The following GABBR2 variants were observed in gnomAD, a reference collection of about 807,000 sequenced individuals.
GABBR2 encodes the protein gamma-aminobutyric acid type B receptor subunit 2.
Under a neutral mutation model 105.6 loss-of-function variants are expected in GABBR2, and 23 were observed. The observed-to-expected ratio is 0.22, with a 90% CI of 0.16 to 0.31. GABBR2 has a LOEUF of 0.31. Among genes scored for constraint, GABBR2 ranks in the 10% least tolerant of loss-of-function variants. GABBR2 has a pLI of 1.00. For missense variants in GABBR2, 734 were observed against 1,245.5 expected, an observed-to-expected ratio of 0.59 and a Z score of 6.18; for synonymous variants, 478 against 499.7, an observed-to-expected ratio of 0.96 and a Z score of 0.58.
intron 1 of GABBR2, among the ~76,000 whole-genome samples, chr9:98,658,490 C>A (rs548309670): frequency 1.3e-5 from 2 of 152,258 alleles, no homozygotes; most frequent in South Asian, 4.2e-4. Flanking sequence ...ATGATGTCAC[C>A]TGGACATGCC....
chr9:98,585,336 T>C (rs904523061), intron 1 of GABBR2, among the ~76,000 whole-genome samples: 1 of 151,558 alleles, frequency 6.6e-6, no homozygotes. Context: ...TTCATGTCCT[T>C]TGTAGGGACA....
At chr9:98,705,799 G>T (rs1461882013) in intron 1 of GABBR2, among the ~76,000 whole-genome samples, 1 of 152,198 alleles carries the variant, frequency 6.6e-6, no homozygotes, top group Admixed American at 6.5e-5. Context: ...GAAGGGAGCT[G>T]GGCACGGTGG....
At chr9:98,469,285 T>C (rs1564081915) in intron 6 of GABBR2, among the ~76,000 whole-genome samples, 1 of 150,994 alleles carries the variant, frequency 6.6e-6, no homozygotes, top group African/African-American at 2.4e-5. Flanking sequence ...AGAGAGAGAG[T>C]GAAGGGGGAA....
intron 1 of GABBR2, among the ~76,000 whole-genome samples, chr9:98,701,294 G>A (rs1296617024): frequency 6.6e-6 from 1 of 152,202 alleles, no homozygotes; most frequent in Non-Finnish European, 1.5e-5. Context: ...CCCCAACTCA[G>A]TCTTTAAAAA....
At chr9:98,341,007 C>T (rs917553073) in intron 13 of GABBR2, among the ~76,000 whole-genome samples, 3 of 152,204 alleles carry the variant, frequency 2.0e-5, no homozygotes. Flanking sequence ...AGTTCCTGGA[C>T]AGGTAGAGAT....
intron 2 of GABBR2, among the ~76,000 whole-genome samples, chr9:98,544,626 C>T (rs1488741055): frequency 6.6e-6 from 1 of 152,136 alleles, no homozygotes; most frequent in Admixed American, 6.5e-5. Context: ...AGTGAGATCC[C>T]TGTGTCTGGA....
At chr9:98,344,247 C>T (rs1372384477) in intron 13 of GABBR2, among the ~76,000 whole-genome samples, 2 of 152,222 alleles carry the variant, frequency 1.3e-5, no homozygotes, top group African/African-American at 4.8e-5. Flanking sequence ...GCCCACACCT[C>T]TCCCTGAACT....
chr9:98,310,806 T>G (rs867187592), intron 14 of GABBR2, among the ~76,000 whole-genome samples: 1 of 151,704 alleles, frequency 6.6e-6, no homozygotes. Flanking sequence ...CAGCCACGAG[T>G]TTTTGGGTTA....
chr9:98,432,307 A>G (rs1001143463), intron 7 of GABBR2, among the ~76,000 whole-genome samples: 3 of 152,182 alleles, frequency 2.0e-5, no homozygotes, highest in African/African-American at 7.2e-5. Flanking sequence ...ACAGAGAAAA[A>G]GGGGTGGTGG....
intron 1 of GABBR2, among the ~76,000 whole-genome samples, chr9:98,603,038 G>C (rs762302801): frequency 7.4e-6 from 1 of 135,556 alleles, no homozygotes; most frequent in East Asian, 2.0e-4. Flanking sequence ...CTGGAAACAC[G>C]AGGACTTGGC....
chr9:98,379,744 C>T (rs1831939427), intron 11 of GABBR2, among the ~76,000 whole-genome samples: 1 of 152,170 alleles, frequency 6.6e-6, no homozygotes, highest in Non-Finnish European at 1.5e-5. Context: ...CATACATGAT[C>T]TCATTTAATC....
At chr9:98,419,838 T>C (rs1475655589) in intron 7 of GABBR2, among the ~76,000 whole-genome samples, 1 of 152,126 alleles carries the variant, frequency 6.6e-6, no homozygotes, top group East Asian at 1.9e-4. Flanking sequence ...GAGGAACACC[T>C]GAGGGATCAG....
At chr9:98,515,174 T>C (rs1189013086) in intron 3 of GABBR2, among the ~76,000 whole-genome samples, 1 of 152,124 alleles carries the variant, frequency 6.6e-6, no homozygotes, top group African/African-American at 2.4e-5. Flanking sequence ...AGGCATCAGA[T>C]GGAGGGGCAG....
At chr9:98,682,450 A>T (rs929837170) in intron 1 of GABBR2, among the ~76,000 whole-genome samples, 6 of 131,864 alleles carry the variant, frequency 4.6e-5, no homozygotes, top group Admixed American at 9.7e-5. Context: ...ATCACAGCTC[A>T]CTGCAACTTC....
chr9:98,375,930 A>C (rs1160216017), intron 11 of GABBR2, among the ~76,000 whole-genome samples: 1 of 152,218 alleles, frequency 6.6e-6, no homozygotes, highest in Non-Finnish European at 1.5e-5. Context: ...ACAAGTCTCT[A>C]CTGGTTCGTC....
At chr9:98,558,136 AAAACAAATAATGGAAATGGCCT>A (rs1245451651) in intron 2 of GABBR2, among the ~76,000 whole-genome samples, 1 of 152,244 alleles carries the variant, frequency 6.6e-6, no homozygotes, top group Non-Finnish European at 1.5e-5. Flanking sequence ...CATAGAAAAA[AAAACAAATAATGGAAATGGCCT>A]AAGCGATAGC....
intron 15 of GABBR2, among the ~76,000 whole-genome samples, chr9:98,305,618 C>T (rs1830538633): frequency 6.6e-6 from 1 of 152,192 alleles, no homozygotes; most frequent in African/African-American, 2.4e-5. Context: ...AGTCCAAGAC[C>T]AGCTTGGGCA....
chr9:98,681,547 A>C (rs1830546982), intron 1 of GABBR2, among the ~76,000 whole-genome samples: 1 of 151,958 alleles, frequency 6.6e-6, no homozygotes, highest in African/African-American at 2.4e-5. Flanking sequence ...ACTAACCTGC[A>C]CAATGTGCAC....
intron 7 of GABBR2, among the ~76,000 whole-genome samples, chr9:98,431,953 T>C (rs1047769196): frequency 6.6e-6 from 1 of 152,142 alleles, no homozygotes; most frequent in Non-Finnish European, 1.5e-5. Context: ...TGGTGTGTAG[T>C]GGTGTGATCT....
Sources: gnomAD v4.1 joint callset for allele counts (sites outside exome capture counted in the v4.1 genomes callset) on GRCh38, gnomAD v4.1.1 for gene constraint, MANE v1.5 for transcripts, NCBI Gene and HGNC (gene_info 2026-07-23, HGNC 2026-07-21) for gene names.